NCALD: variants seen among roughly 807,000 people sequenced by gnomAD.
NCALD encodes the protein neurocalcin-delta.
NCALD carries 10 observed loss-of-function variants against 18.6 expected under a neutral mutation model. The observed-to-expected ratio is 0.54, with a 90% CI of 0.33 to 0.91. The LOEUF (loss-of-function observed/expected upper bound fraction) is 0.91, where lower values mean the gene tolerates loss of function less well. Ranked by LOEUF, NCALD falls within the 40% of genes least tolerant of loss-of-function variation. NCALD has a pLI of 0.03. For synonymous variants in NCALD, 88 were observed against 87.4 expected, an observed-to-expected ratio of 1.01 and a Z score of -0.04; for missense variants, 184 against 247.6, an observed-to-expected ratio of 0.74 and a Z score of 1.72.
chr8:101,873,001 T>TG (rs1816084917), intron 4 of NCALD, among the ~76,000 whole-genome samples: 1 of 152,268 alleles, frequency 6.6e-6, no homozygotes, highest in African/African-American at 2.4e-5. Context: ...GCTTTGCTTC[T>TG]GCAAGCAACT....
At chr8:102,070,848 A>G (rs1824159596) in intron 1 of NCALD, among the ~76,000 whole-genome samples, 1 of 152,220 alleles carries the variant, frequency 6.6e-6, no homozygotes, top group Non-Finnish European at 1.5e-5. Flanking sequence ...ACCATCACCC[A>G]TTCACATAAG....
At chr8:101,927,304 G>C (rs753625039) in intron 2 of NCALD, among the ~76,000 whole-genome samples, 1 of 152,192 alleles carries the variant, frequency 6.6e-6, no homozygotes, top group Non-Finnish European at 1.5e-5. Context: ...CAAAGTCCCC[G>C]ATCTGGTGGA....
chr8:102,016,272 AG>A (rs1822081304), intron 2 of NCALD, among the ~76,000 whole-genome samples: 1 of 152,164 alleles, frequency 6.6e-6, no homozygotes, highest in Non-Finnish European at 1.5e-5. Context: ...TACAAGGCAA[AG>A]GTTGGCTGCC....
chr8:101,760,928 T>C (rs951087564), intron 1 of NCALD, among the ~76,000 whole-genome samples: 4 of 150,340 alleles, frequency 2.7e-5, no homozygotes, highest in Admixed American at 2.0e-4. Flanking sequence ...AGAGTGCAAA[T>C]GGGTGAAGTT....
At chr8:101,824,438 T>A (rs1813848571) in intron 4 of NCALD, among the ~76,000 whole-genome samples, 1 of 152,140 alleles carries the variant, frequency 6.6e-6, no homozygotes, top group Non-Finnish European at 1.5e-5. Context: ...CAACTGTAGA[T>A]CTATCCTCAT....
chr8:102,066,559 T>C (rs112898461), intron 1 of NCALD, among the ~76,000 whole-genome samples: 3 of 152,264 alleles, frequency 2.0e-5, no homozygotes, highest in African/African-American at 7.2e-5. Context: ...TTAGTGACCA[T>C]TGTGATGTAG....
intron 4 of NCALD, among the ~76,000 whole-genome samples, chr8:101,879,183 C>A (rs950085061): frequency 5.9e-5 from 9 of 152,066 alleles, no homozygotes; most frequent in African/African-American, 1.4e-4. Context: ...CTGGTGTGTC[C>A]GGAATTGGTG....
chr8:101,725,517 G>A (rs529583990), intron 1 of NCALD, among the ~76,000 whole-genome samples: 1 of 152,136 alleles, frequency 6.6e-6, no homozygotes, highest in African/African-American at 2.4e-5. Flanking sequence ...ACAAGAACCC[G>A]GGTACCAAGA....
At chr8:101,893,161 T>A (rs997621333) in intron 3 of NCALD, among the ~76,000 whole-genome samples, 2 of 151,786 alleles carry the variant, frequency 1.3e-5, no homozygotes, top group Admixed American at 6.5e-5. Context: ...TAACAGCGGA[T>A]CTCTCAGCAG....
At chr8:101,947,412 T>G (rs545847228) in intron 2 of NCALD, among the ~76,000 whole-genome samples, 2 of 152,332 alleles carry the variant, frequency 1.3e-5, no homozygotes, top group South Asian at 2.1e-4. Context: ...AGGGCAATTT[T>G]GTGAGAGTTT....
chr8:102,056,323 C>T (rs1586991422), intron 1 of NCALD, among the ~76,000 whole-genome samples: 2 of 152,274 alleles, frequency 1.3e-5, no homozygotes, highest in South Asian at 4.1e-4. Flanking sequence ...AACTCTGAGC[C>T]TACCCTTTTA....
At chr8:101,990,051 T>C (rs1331119514) in intron 2 of NCALD, among the ~76,000 whole-genome samples, 1 of 152,182 alleles carries the variant, frequency 6.6e-6, no homozygotes, top group Non-Finnish European at 1.5e-5. Flanking sequence ...CCACATCCCC[T>C]GGTAGAATTC....
intron 1 of NCALD, among the ~76,000 whole-genome samples, chr8:101,723,902 G>A (rs1816467182): frequency 2.0e-5 from 3 of 151,826 alleles, no homozygotes; most frequent in Admixed American, 6.6e-5. Flanking sequence ...TTTGTTTGTT[G>A]TTAAGTGTGC....
chr8:101,834,644 A>G (rs1814335900), intron 4 of NCALD, among the ~76,000 whole-genome samples: 1 of 152,250 alleles, frequency 6.6e-6, no homozygotes, highest in African/African-American at 2.4e-5. Context: ...ATGTAGAAGT[A>G]TGATTTTCCC....
At chr8:101,760,381 A>T (rs1018357200) in intron 1 of NCALD, among the ~76,000 whole-genome samples, 3 of 152,202 alleles carry the variant, frequency 2.0e-5, no homozygotes, top group Non-Finnish European at 4.4e-5. Flanking sequence ...GCAAGCAAGA[A>T]GAAAAGGATT....
At chr8:102,083,604 A>G (rs1225382819) in intron 1 of NCALD, among the ~76,000 whole-genome samples, 1 of 152,198 alleles carries the variant, frequency 6.6e-6, no homozygotes, top group Non-Finnish European at 1.5e-5. Context: ...AAGAGCAGCC[A>G]ATTTTGCTCC....
At chr8:101,918,660 TA>T (rs1230102676) in intron 2 of NCALD, among the ~76,000 whole-genome samples, 1 of 151,798 alleles carries the variant, frequency 6.6e-6, no homozygotes, top group Non-Finnish European at 1.5e-5. Flanking sequence ...AAAATCAATG[TA>T]AAAAATCAGT....
chr8:101,920,004 C>T (rs1488147303), intron 2 of NCALD, among the ~76,000 whole-genome samples: 1 of 152,140 alleles, frequency 6.6e-6, no homozygotes, highest in Non-Finnish European at 1.5e-5. Flanking sequence ...TGCCTGTAGC[C>T]CCAGCACTTC....
intron 1 of NCALD, among the ~76,000 whole-genome samples, chr8:102,046,385 AAAGC>A (rs1823240584): frequency 6.6e-6 from 1 of 152,274 alleles, no homozygotes; most frequent in Non-Finnish European, 1.5e-5. Flanking sequence ...ACAAATTAGA[AAAGC>A]AATAGCAATG....
Sources: allele counts gnomAD v4.1 joint callset (sites outside exome capture counted in the v4.1 genomes callset), GRCh38; gene constraint gnomAD v4.1.1; transcripts MANE v1.5; gene names NCBI Gene and HGNC (gene_info 2026-07-23, HGNC 2026-07-21).